Variants in CEP85L observed in about 807,000 individuals in gnomAD.
CEP85L encodes centrosomal protein of 85 kDa-like.
In CEP85L, 60 loss-of-function variants were observed where a neutral mutation model predicts 100.3. The ratio of observed to expected loss-of-function variants is 0.60; its 90% CI spans 0.49 to 0.74. CEP85L has a LOEUF of 0.74. CEP85L is among the 30% of genes least tolerant of loss of function. The pLI is 0.00. For synonymous variants in CEP85L, 319 were observed against 322.7 expected (o/e 0.99, Z 0.12); for missense variants, 973 against 936.2 (o/e 1.04, Z -0.51).
intron 3 of CEP85L, among the ~76,000 whole-genome samples, chr6:118,530,349 A>G (rs1361263724): frequency 3.3e-5 from 5 of 151,944 alleles, no homozygotes; most frequent in African/African-American, 1.2e-4. Context: ...CTAGGCATTG[A>G]AGGAACATAC....
At chr6:118,696,681 T>TTTG (rs539223768) in intron 1 of CEP85L, among the ~76,000 whole-genome samples, 30 of 151,040 alleles carry the variant, frequency 2.0e-4, no homozygotes, top group Admixed American at 5.3e-4. Flanking sequence ...CACAGAGTTT[T>TTTG]TTGTTGTTGT....
intron 1 of CEP85L, among the ~76,000 whole-genome samples, chr6:118,635,068 CT>C (rs1774409511): frequency 6.6e-6 from 1 of 152,152 alleles, no homozygotes; most frequent in South Asian, 2.1e-4. Context: ...TTGGTACAAC[CT>C]TTCTAAAGGG....
chr6:118,632,637 A>G, intron 1 of CEP85L, 26 bp from the exon 2 acceptor site: 1 of 1,593,368 alleles, frequency 6.3e-7, no homozygotes, highest in Non-Finnish European at 8.5e-7. Flanking sequence ...TGTAACAGTT[A>G]ACACATATAT....
chr6:118,558,610 T>C (rs1426608836), intron 3 of CEP85L, among the ~76,000 whole-genome samples: 2 of 115,158 alleles, frequency 1.7e-5, no homozygotes, highest in Non-Finnish European at 3.8e-5. Context: ...GACAGACACA[T>C]AGAAACACGT....
chr6:118,616,499 G>A (rs193209238), intron 2 of CEP85L, among the ~76,000 whole-genome samples: 154 of 151,438 alleles, frequency 1.0e-3, no homozygotes, highest in Non-Finnish European at 1.4e-3. Context: ...ACAACTGCAC[G>A]CCAGCCTGGG....
At chr6:118,643,245 T>TA (rs1774987339) in intron 1 of CEP85L, among the ~76,000 whole-genome samples, 1 of 152,196 alleles carries the variant, frequency 6.6e-6, no homozygotes, top group African/African-American at 2.4e-5. Context: ...ACATTATTCC[T>TA]AAAATGAGAC....
At position 118,519,466 on chromosome 6, in the gene CEP85L, GTGTGT is replaced by G. The variant is rs1365052724; in HGVS notation, c.1139+4331_1139+4335del. Among the ~76,000 whole-genome samples, 158 of 63,154 alleles carry G rather than the reference GTGTGT, an allele frequency of 2.5e-3. 2 individuals are homozygous for G. The highest frequency in any genetic ancestry group is 4.3e-3 in the Non-Finnish European group (126 of 29,626). The allele number at this position is 63,154 out of a possible 152,430, so 41.4% of individuals were successfully genotyped here. A position where few individuals can be genotyped will look rare whatever the true frequency, so the allele number is the denominator to read the frequency against. The stretch of plus-strand genomic sequence containing the variant: ...TGTGTGTGTGTGTGTGTGTGTGTGT[GTGTGT>G]GTGGCGGGGGGGGGTTGTGAAACTC... On this transcript the variant is annotated intron_variant, in intron 4 of 12. Transcript: ENST00000368491.
At chr6:118,482,911 G>A (rs537946516) in intron 7 of CEP85L, among the ~76,000 whole-genome samples, 2 of 152,246 alleles carry the variant, frequency 1.3e-5, no homozygotes, top group South Asian at 4.2e-4. Flanking sequence ...TTCTTGAGTG[G>A]GGGTAACTTT....
intron 3 of CEP85L, among the ~76,000 whole-genome samples, chr6:118,558,056 C>T (rs1031301037): frequency 8.6e-4 from 130 of 151,960 alleles, no homozygotes; most frequent in African/African-American, 3.0e-3. Context: ...CCCCTGCCTC[C>T]TGGGCTCCAG....
At chr6:118,621,263 A>G (rs1350668970) in intron 2 of CEP85L, among the ~76,000 whole-genome samples, 1 of 152,176 alleles carries the variant, frequency 6.6e-6, no homozygotes. Flanking sequence ...AGAATCATCA[A>G]TGAGGCAGTA....
chr6:118,628,127 A>C (rs1773920240), intron 2 of CEP85L, among the ~76,000 whole-genome samples: 1 of 152,144 alleles, frequency 6.6e-6, no homozygotes, highest in Admixed American at 6.5e-5. Flanking sequence ...GTATATCACG[A>C]TCAGCTTTCA....
At chr6:118,651,804 C>T, upstream of CEP85L, 1 of 985,830 alleles carries the variant, frequency 1.0e-6, no homozygotes, top group Non-Finnish European at 1.2e-6. Context: ...TGTCTCCATC[C>T]TCCCGCCCTG....
At chr6:118,517,812 C>A (rs1776371168) in intron 4 of CEP85L, among the ~76,000 whole-genome samples, 1 of 152,106 alleles carries the variant, frequency 6.6e-6, no homozygotes, top group South Asian at 2.1e-4. Context: ...TTGTCTTGTG[C>A]CAGTTTTCAA....
intron 5 of CEP85L, among the ~76,000 whole-genome samples, chr6:118,504,910 G>A (rs1424900899): frequency 6.6e-6 from 1 of 152,120 alleles, no homozygotes; most frequent in Admixed American, 6.5e-5. Context: ...TGGTGCAGAA[G>A]TACTGTGCTG....
At chr6:118,642,840 G>A (rs935490517) in intron 1 of CEP85L, among the ~76,000 whole-genome samples, 4 of 151,710 alleles carry the variant, frequency 2.6e-5, no homozygotes, top group South Asian at 2.1e-4. Flanking sequence ...GCAGTGAGCC[G>A]AGATCACACC....
At chr6:118,508,891 G>A (rs536612743) in intron 5 of CEP85L, among the ~76,000 whole-genome samples, 7 of 151,946 alleles carry the variant, frequency 4.6e-5, no homozygotes, top group Admixed American at 2.6e-4. Flanking sequence ...AAAATCCTTC[G>A]CTAAAGAAAT....
chr6:118,611,896 T>C (rs1007517968), intron 2 of CEP85L, among the ~76,000 whole-genome samples: 15 of 129,708 alleles, frequency 1.2e-4, no homozygotes, highest in African/African-American at 3.3e-4. Flanking sequence ...TATAATTATA[T>C]TTGTAGACTT....
Position 118,483,842 on chromosome 6 carries a change from C to T in CEP85L, c.1454G>A (p.Arg485Gln), listed in dbSNP as rs767584778. Residue 485 changes from arginine to glutamine, a missense_variant, in exon 7 of 13, where the codon CGA (arginine) becomes CAA (glutamine). Arg to Gln is a conservative substitution (Grantham distance 43). This residue lies in a region of CEP85L where 890 missense variants were observed against 844.5 expected (regional missense o/e 1.05). Transcript: ENST00000368491. Reference protein sequence around the residue: ...KLEEKLKTRDRYISSLKKKCQ... With the variant: ...KLEEKLKTRDQYISSLKKKCQ... ...TTTCTTTTTCAGACTACTGATGTAT[C>T]GATCTCTAGTTTTAAGCTAAAAGCA... 3.1e-6 allele frequency: 5 copies of T among 1,612,666 alleles called. No individual in the cohort carries two copies. The highest frequency in any genetic ancestry group is 1.1e-5 in the South Asian group (1 of 90,752).
At chr6:118,695,119 C>A (rs1341050810) in intron 1 of CEP85L, among the ~76,000 whole-genome samples, 4 of 152,088 alleles carry the variant, frequency 2.6e-5, no homozygotes, top group African/African-American at 9.7e-5. Flanking sequence ...TCATTTAATC[C>A]AATAGCATAA....
Sources: gnomAD v4.1 joint callset for allele counts (sites outside exome capture counted in the v4.1 genomes callset) on GRCh38, gnomAD v4.1.1 for gene constraint, gnomAD v4.1.1 regional missense constraint, MANE v1.5 for transcripts, NCBI Gene and HGNC (gene_info 2026-07-23, HGNC 2026-07-21) for gene names.